The following CREB5 variants were observed in gnomAD, a reference collection of about 807,000 sequenced individuals.
CREB5 encodes cAMP responsive element binding protein 5.
In CREB5, 19 loss-of-function variants were observed where a neutral mutation model predicts 57.1. That is an observed-to-expected ratio of 0.33 (90% CI 0.23 to 0.49). The LOEUF is 0.49. CREB5 is among the 20% of genes least tolerant of loss of function. The probability of loss-of-function intolerance (pLI) is 0.99; values close to 1 mark genes in which losing one functional copy is unlikely to be tolerated. For synonymous variants in CREB5, 238 were observed against 238.3 expected (o/e 1.00, Z 0.01); for missense variants, 579 against 671.6 (o/e 0.86, Z 1.52).
intron 1 of CREB5, among the ~76,000 whole-genome samples, chr7:28,449,821 G>A (rs1789702299): frequency 6.6e-6 from 1 of 152,184 alleles, no homozygotes; most frequent in Non-Finnish European, 1.5e-5. Flanking sequence ...AAAATTGTTT[G>A]ACCAAGGTTG....
intron 7 of CREB5, among the ~76,000 whole-genome samples, chr7:28,764,278 TATAAC>T (rs1199944621): frequency 2.0e-5 from 3 of 151,982 alleles, no homozygotes; most frequent in East Asian, 3.9e-4. Flanking sequence ...ATATAAATGA[TATAAC>T]ATTAACATTA....
At chr7:28,355,719 C>T (rs1393771766) in intron 1 of CREB5, among the ~76,000 whole-genome samples, 1 of 152,188 alleles carries the variant, frequency 6.6e-6, no homozygotes, top group Non-Finnish European at 1.5e-5. Flanking sequence ...CATCACCTGA[C>T]AGGATAAAGC....
intron 4 of CREB5, among the ~76,000 whole-genome samples, chr7:28,556,413 T>C (rs77358915): frequency 0.032 from 4,915 of 152,156 alleles, 309 homozygotes; most frequent in African/African-American, 0.11. Flanking sequence ...GCCAGGTTAC[T>C]TGGGCACACC....
intron 7 of CREB5, among the ~76,000 whole-genome samples, chr7:28,735,307 C>A (rs189673516): frequency 6.1e-4 from 93 of 152,208 alleles, no homozygotes; most frequent in Non-Finnish European, 6.9e-4. Flanking sequence ...GTTTATCTAA[C>A]CAAGACTTTG....
chr7:28,540,352 G>A (rs141726982), intron 4 of CREB5, among the ~76,000 whole-genome samples: 16 of 152,326 alleles, frequency 1.1e-4, no homozygotes, highest in African/African-American at 3.8e-4. Context: ...GGGTGAATGA[G>A]TTTATTAGAT....
Position 28,804,189 on chromosome 7 carries a change from T to C in CREB5, c.703-10T>C, listed in dbSNP as rs1378797871. On this transcript the variant is annotated splice_polypyrimidine_tract_variant and intron_variant, in intron 7 of 10. Coordinates refer to ENST00000357727, the MANE Select transcript of CREB5 (RefSeq NM_182898.4). ...AGTTGTTCTCTCTCCTCCCTTTTGTTCTGTTTCAGAGGTTGAAGGCTGCAT... is the reference window on the plus strand; with the variant it reads ...AGTTGTTCTCTCTCCTCCCTTTTGTCCTGTTTCAGAGGTTGAAGGCTGCAT... The C allele has an allele frequency of 6.2e-7, 1 of 1,608,040 alleles. No homozygotes were observed. The highest frequency in any genetic ancestry group is 8.5e-7 in the Non-Finnish European group (1 of 1,174,972).
intron 1 of CREB5, among the ~76,000 whole-genome samples, chr7:28,437,077 GC>G (rs1411461278): frequency 6.6e-6 from 1 of 152,112 alleles, no homozygotes; most frequent in Non-Finnish European, 1.5e-5. Flanking sequence ...AGAGAACTCA[GC>G]TCACACTCAT....
intron 1 of CREB5, among the ~76,000 whole-genome samples, chr7:28,358,393 C>G (rs55816273): frequency 6.6e-6 from 1 of 152,132 alleles, no homozygotes; most frequent in Non-Finnish European, 1.5e-5. Context: ...GGACTTGACA[C>G]GGCCACTTGT....
At chr7:28,574,960 C>G (rs1795848341) in intron 5 of CREB5, among the ~76,000 whole-genome samples, 1 of 152,176 alleles carries the variant, frequency 6.6e-6, no homozygotes, top group Admixed American at 6.5e-5. Flanking sequence ...AGACATAAAA[C>G]TTAGCCAGAA....
chr7:28,682,682 TG>T (rs34179408), intron 5 of CREB5, among the ~76,000 whole-genome samples: 3,303 of 108,532 alleles, frequency 0.03, 43 homozygotes, highest in Admixed American at 0.072. Context: ...AACCTAAAAG[TG>T]GGGGGGGGGG....
intron 3 of CREB5, among the ~76,000 whole-genome samples, chr7:28,497,757 T>C (rs1313671829): frequency 1.3e-5 from 2 of 152,234 alleles, no homozygotes; most frequent in Non-Finnish European, 2.9e-5. Context: ...TGGGTATTTT[T>C]ACTTTGTTAT....
At chr7:28,737,181 C>T (rs1373351493) in intron 7 of CREB5, among the ~76,000 whole-genome samples, 5 of 151,988 alleles carry the variant, frequency 3.3e-5, no homozygotes, top group Non-Finnish European at 7.4e-5. Flanking sequence ...TGACCACTAG[C>T]TCATATTTTA....
At chr7:28,323,697 C>T (rs1785529967) in intron 1 of CREB5, among the ~76,000 whole-genome samples, 2 of 152,124 alleles carry the variant, frequency 1.3e-5, no homozygotes, top group South Asian at 2.1e-4. Context: ...AATTTTTCCA[C>T]GGACTTTGGG....
At chr7:28,387,156 G>A (rs1190229834) in intron 1 of CREB5, among the ~76,000 whole-genome samples, 1 of 152,172 alleles carries the variant, frequency 6.6e-6, no homozygotes, top group African/African-American at 2.4e-5. Flanking sequence ...TTGCCACACT[G>A]TCTTCCACAA....
At chr7:28,440,205 T>C (rs1789128601) in intron 1 of CREB5, among the ~76,000 whole-genome samples, 1 of 152,154 alleles carries the variant, frequency 6.6e-6, no homozygotes, top group Non-Finnish European at 1.5e-5. Context: ...CATGTCGCAC[T>C]CCAGTCCGAC....
chr7:28,495,110 TACACA>T, intron 3 of CREB5, 111 bp downstream of exon 3: 3 of 626,092 alleles, frequency 4.8e-6, no homozygotes, highest in Non-Finnish European at 7.9e-6. Flanking sequence ...ACCTTGAAAA[TACACA>T]TTTCTAAGGT....
intron 1 of CREB5, among the ~76,000 whole-genome samples, chr7:28,348,546 T>C (rs1356678791): frequency 1.3e-5 from 2 of 152,156 alleles, no homozygotes; most frequent in East Asian, 3.9e-4. Flanking sequence ...CTATTATTAT[T>C]AGCTATTACT....
chr7:28,349,001 T>A (rs1583698553), intron 1 of CREB5, among the ~76,000 whole-genome samples: 2 of 152,230 alleles, frequency 1.3e-5, no homozygotes, highest in East Asian at 3.8e-4. Context: ...TGTAGGAAAC[T>A]GAATTCCACA....
chr7:28,588,799 T>G (rs1583671564), intron 5 of CREB5, among the ~76,000 whole-genome samples: 1 of 152,194 alleles, frequency 6.6e-6, no homozygotes, highest in Admixed American at 6.5e-5. Context: ...TCTTACCTAT[T>G]TTTGGCTTCT....
Sources: gnomAD v4.1 joint callset for allele counts (sites outside exome capture counted in the v4.1 genomes callset) on GRCh38, gnomAD v4.1.1 for gene constraint, MANE v1.5 for transcripts, NCBI Gene and HGNC (gene_info 2026-07-23, HGNC 2026-07-21) for gene names.